VPS54: variants seen among roughly 807,000 people sequenced by gnomAD.
VPS54 encodes VPS54 subunit of GARP complex.
Under a neutral mutation model 121.5 loss-of-function variants are expected in VPS54, and 45 were observed. The ratio of observed to expected loss-of-function variants is 0.37; its 90% CI spans 0.29 to 0.47. The LOEUF (loss-of-function observed/expected upper bound fraction) is 0.47. Ranked by LOEUF, VPS54 falls within the 20% of genes least tolerant of loss-of-function variation. The pLI, the probability that VPS54 is intolerant of heterozygous loss-of-function variation, is 0.99. For synonymous variants in VPS54, 371 were observed against 385.8 expected, an observed-to-expected ratio of 0.96 and a Z score of 0.45; for missense variants, 1,090 against 1,131.4, an observed-to-expected ratio of 0.96 and a Z score of 0.52.
intron 7 of VPS54, among the ~76,000 whole-genome samples, chr2:63,960,922 A>C (rs1286781416): frequency 1.3e-5 from 2 of 152,238 alleles, no homozygotes; most frequent in African/African-American, 4.8e-5. Flanking sequence ...AAGATGGTCC[A>C]ACAGTACCTT....
intron 20 of VPS54, among the ~76,000 whole-genome samples, chr2:63,910,720 C>A (rs1168509796): frequency 6.6e-6 from 1 of 152,004 alleles, no homozygotes; most frequent in African/African-American, 2.4e-5. Flanking sequence ...GTTAATTAAA[C>A]AATTCTCTTT....
At chr2:64,017,434 C>G (rs1394945142) in intron 1 of VPS54, among the ~76,000 whole-genome samples, 1 of 151,782 alleles carries the variant, frequency 6.6e-6, no homozygotes, top group African/African-American at 2.4e-5. Flanking sequence ...GACTTTAATT[C>G]TGACACAAAA....
At chr2:63,913,406 C>G (rs1358098688) in intron 17 of VPS54, 96 bp from the exon 18 acceptor site, 2 of 782,262 alleles carry the variant, frequency 2.6e-6, no homozygotes, top group East Asian at 5.9e-5. Context: ...CCCCTTTCCT[C>G]TCATTCAATG....
intron 1 of VPS54, among the ~76,000 whole-genome samples, chr2:64,018,621 G>A (rs905429339): frequency 6.6e-6 from 1 of 152,044 alleles, no homozygotes; most frequent in African/African-American, 2.4e-5. Context: ...GCGTCTAAGG[G>A]GGTGATGGAA....
At position 63,972,158 on chromosome 2, in the gene VPS54, A is replaced by T; in HGVS notation, c.457+8T>A. 5 of 1,538,660 alleles carry T rather than the reference A, an allele frequency of 3.2e-6. No individual in the cohort carries two copies. Among genetic ancestry groups the T allele is most frequent in the Non-Finnish European group, 4.4e-6 (5 of 1,129,398 alleles). ...GCTTTATTATCTATAAATAACACATATTCATACCATGAGTATGTAAAAGAG... is the reference window on the plus strand; with the variant it reads ...GCTTTATTATCTATAAATAACACATTTTCATACCATGAGTATGTAAAAGAG... On this transcript the variant is annotated splice_region_variant and intron_variant, in intron 4 of 22. Coordinates refer to ENST00000272322, the MANE Select transcript of VPS54 (RefSeq NM_016516.3).
chr2:63,943,868 G>T (rs1217976799), intron 10 of VPS54, among the ~76,000 whole-genome samples: 1 of 151,406 alleles, frequency 6.6e-6, no homozygotes, highest in Non-Finnish European at 1.5e-5. Context: ...AGGACTACAG[G>T]CATGTGCCAC....
chr2:63,967,688 C>A, intron 5 of VPS54, among the ~76,000 whole-genome samples: 1 of 117,322 alleles, frequency 8.5e-6, no homozygotes, highest in Non-Finnish European at 1.7e-5. Context: ...CACTGCACTC[C>A]AGCCTGGGCG....
chr2:63,956,470 C>T (rs897048685), intron 7 of VPS54, among the ~76,000 whole-genome samples: 3 of 152,150 alleles, frequency 2.0e-5, no homozygotes, highest in African/African-American at 7.2e-5. Context: ...TATGGTAGTT[C>T]CTGGCTGCTG....
chr2:63,917,053 C>A (rs1673413905), intron 15 of VPS54, 90 bp from the exon 16 acceptor site: 3 of 1,245,392 alleles, frequency 2.4e-6, no homozygotes, highest in Non-Finnish European at 3.5e-6. Context: ...TGTTTAAGGC[C>A]AAAAACTCTC....
chr2:63,911,528 G>A (rs1300711806), intron 20 of VPS54, among the ~76,000 whole-genome samples: 1 of 152,092 alleles, frequency 6.6e-6, no homozygotes, highest in Non-Finnish European at 1.5e-5. Flanking sequence ...ATTGAACAGT[G>A]GGGATTTTTA....
At chr2:63,985,678 T>TACACAC (rs1491189848) in intron 1 of VPS54, among the ~76,000 whole-genome samples, 56 of 101,768 alleles carry the variant, frequency 5.5e-4, no homozygotes, top group African/African-American at 2.2e-3. Context: ...AGTGACAAAT[T>TACACAC]ATACACACAC....
intron 1 of VPS54, among the ~76,000 whole-genome samples, chr2:63,997,124 C>T (rs963990766): frequency 6.6e-6 from 1 of 152,164 alleles, no homozygotes; most frequent in African/African-American, 2.4e-5. Context: ...TGTTGAAATA[C>T]AGGGGGCTGG....
intron 22 of VPS54, 22 bp downstream of exon 22, chr2:63,897,474 G>A (rs1160307205): frequency 2.0e-6 from 3 of 1,470,550 alleles, no homozygotes; most frequent in African/African-American, 2.8e-5. Flanking sequence ...GGAGTATATG[G>A]TGAAAACGTT....
chr2:63,994,540 C>G (rs1677490111), intron 1 of VPS54, among the ~76,000 whole-genome samples: 1 of 152,172 alleles, frequency 6.6e-6, no homozygotes. Flanking sequence ...TTTAATGTTA[C>G]CATGGGTTAC....
intron 12 of VPS54, among the ~76,000 whole-genome samples, chr2:63,924,773 A>C (rs1264700549): frequency 6.6e-6 from 1 of 152,234 alleles, no homozygotes; most frequent in Admixed American, 6.5e-5. Context: ...AGATACGCCT[A>C]TCTGAATATT....
intron 1 of VPS54, among the ~76,000 whole-genome samples, chr2:64,015,740 A>G (rs1422427180): frequency 1.3e-5 from 2 of 150,748 alleles, no homozygotes; most frequent in Non-Finnish European, 3.0e-5. Flanking sequence ...CCTGTTAATT[A>G]TATTTTTTTA....
chr2:63,935,052 A>G (rs923738749), intron 11 of VPS54, among the ~76,000 whole-genome samples: 1 of 152,292 alleles, frequency 6.6e-6, no homozygotes, highest in South Asian at 2.1e-4. Flanking sequence ...AGCTAGTCCA[A>G]TTAGTACATG....
intron 1 of VPS54, among the ~76,000 whole-genome samples, chr2:63,991,494 C>A (rs1294699231): frequency 6.6e-6 from 1 of 152,154 alleles, no homozygotes; most frequent in Non-Finnish European, 1.5e-5. Context: ...TCAAACTGGC[C>A]CCACTAATTC....
At chr2:63,959,484 G>A (rs1675651166) in intron 7 of VPS54, among the ~76,000 whole-genome samples, 1 of 152,056 alleles carries the variant, frequency 6.6e-6, no homozygotes, top group Non-Finnish European at 1.5e-5. Context: ...TTACAGAAAT[G>A]TTTTACATGA....
Sources: gnomAD v4.1 joint callset for allele counts (sites outside exome capture counted in the v4.1 genomes callset) on GRCh38, gnomAD v4.1.1 for gene constraint, MANE v1.5 for transcripts, NCBI Gene and HGNC (gene_info 2026-07-23, HGNC 2026-07-21) for gene names.